Variants in GRIN2B observed in about 807,000 individuals in gnomAD.
GRIN2B encodes the protein glutamate ionotropic receptor NMDA type subunit 2B.
A neutral mutation model predicts 114.5 loss-of-function variants in GRIN2B; 5 were observed. The ratio of observed to expected loss-of-function variants is 0.04; its 90% CI spans 0.02 to 0.09. The LOEUF (loss-of-function observed/expected upper bound fraction) is 0.09, where lower values mean the gene tolerates loss of function less well. Among genes scored for constraint, GRIN2B ranks in the 10% least tolerant of loss-of-function variants. The pLI is 1.00. For synonymous variants in GRIN2B, 787 were observed against 745.1 expected (o/e 1.06, Z -0.92); for missense variants, 1,108 against 1,943.5 (o/e 0.57, Z 8.08).
At chr12:13,658,695 T>C (rs1315742189) in intron 5 of GRIN2B, among the ~76,000 whole-genome samples, 1 of 152,146 alleles carries the variant, frequency 6.6e-6, no homozygotes, top group Non-Finnish European at 1.5e-5. Context: ...AAAACCCTAA[T>C]GCCTGAGTTT....
rs1429065236 is a variant in GRIN2B, at chr12:13,843,414, A to G, written c.411+22384T>C. 3.9e-5 allele frequency among the ~76,000 whole-genome samples: 6 copies of G among 152,110 alleles called. No homozygotes were observed. In the East Asian group the frequency reaches 1.2e-3, roughly 29 times the overall value. ...TTTATAATTTTTGTATTTTTATAAT[A>G]TTTTCACAAAATTTCATAATTTTTC... On this transcript the variant is annotated intron_variant, in intron 3 of 13. Transcript: ENST00000609686.
chr12:13,641,476 T>C (rs1949715443), intron 5 of GRIN2B, among the ~76,000 whole-genome samples: 1 of 152,200 alleles, frequency 6.6e-6, no homozygotes, highest in Non-Finnish European at 1.5e-5. Flanking sequence ...TTATTTTCTC[T>C]GAGTTCTTGA....
At chr12:13,891,482 A>G (rs1866261739) in intron 2 of GRIN2B, among the ~76,000 whole-genome samples, 1 of 152,206 alleles carries the variant, frequency 6.6e-6, no homozygotes, top group Non-Finnish European at 1.5e-5. Flanking sequence ...CCACCAATGC[A>G]ATGAGGTTCA....
chr12:13,613,516 T>C lies in GRIN2B; in HGVS notation c.1654+1598A>G, dbSNP rs1451940695. ...CAAACTGAGCCAAAAAGTCTGTGTTTTTTCATTGTATTACATTGCTCTTTG... is the reference window on the plus strand; with the variant it reads ...CAAACTGAGCCAAAAAGTCTGTGTTCTTTCATTGTATTACATTGCTCTTTG... On this transcript the variant is annotated intron_variant, in intron 8 of 13. Transcript: ENST00000609686. Among the ~76,000 whole-genome samples the C allele has an allele frequency of 1.2e-4, 19 of 152,220 alleles. No individual in the cohort carries two copies. The East Asian group carries it at 3.1e-3, about 25-fold the overall frequency.
chr12:13,837,398 G>A (rs931595038), intron 3 of GRIN2B, among the ~76,000 whole-genome samples: 1 of 152,202 alleles, frequency 6.6e-6, no homozygotes, highest in African/African-American at 2.4e-5. Context: ...TACCTCACAG[G>A]ATTGTTGGGA....
intron 2 of GRIN2B, among the ~76,000 whole-genome samples, chr12:13,967,958 G>A (rs1363685978): frequency 6.6e-6 from 1 of 152,226 alleles, no homozygotes; most frequent in African/African-American, 2.4e-5. Context: ...CTTGGATCAT[G>A]TAAAGATAAA....
In GRIN2B at chr12:13,538,105, C is replaced by T. The variant is rs1948234168; in HGVS notation, c.*24678G>A. On this transcript the variant is annotated 3_prime_UTR_variant, in exon 14 of 14. Transcript: ENST00000609686. ...AATAGAAATATTCAAATCAAGTGTT[C>T]AGGGTAGGTTCTACCTTCCTAGTGA... The T allele has an allele frequency of 2.6e-5, 4 of 152,212 alleles. No homozygotes were observed. In the South Asian group the frequency reaches 8.3e-4, roughly 32 times the overall value. 9.4% of individuals were successfully genotyped at this position (152,212 alleles called of 1,614,324 possible).
At chr12:13,780,621 C>G (rs1165644088) in intron 3 of GRIN2B, among the ~76,000 whole-genome samples, 1 of 152,064 alleles carries the variant, frequency 6.6e-6, no homozygotes, top group Non-Finnish European at 1.5e-5. Context: ...TGTAAAGAAT[C>G]CAGTCTTATC....
At chr12:13,936,111 G>A (rs972298748) in intron 2 of GRIN2B, among the ~76,000 whole-genome samples, 19 of 152,104 alleles carry the variant, frequency 1.2e-4, no homozygotes, top group African/African-American at 4.6e-4. Context: ...AGTCCAAGAT[G>A]AGGTCCTCTA....
intron 3 of GRIN2B, among the ~76,000 whole-genome samples, chr12:13,801,927 G>C (rs1043369237): frequency 1.3e-5 from 2 of 152,064 alleles, no homozygotes; most frequent in African/African-American, 4.8e-5. Context: ...TGACTTCACT[G>C]TCTGGGTGAG....
At position 13,562,702 on chromosome 12, in the gene GRIN2B, C is replaced by T. The variant is rs1591604548; in HGVS notation, c.*81G>A. 8.7e-7 allele frequency: 1 copy of T among 1,150,252 alleles called. No individual in the cohort carries two copies. Among genetic ancestry groups the T allele is most frequent in the East Asian group, 2.3e-5 (1 of 42,718 alleles). The allele number at this position is 1,150,252 out of a possible 1,614,324, so 71.3% of individuals were successfully genotyped here. A position where few individuals can be genotyped will look rare whatever the true frequency, so the allele number is the denominator to read the frequency against. ...GAGCAAATGGGAACCAAGTTCACCCCCGTCACCCTCCGTGACATGCGCATC... is the reference window on the plus strand; with the variant it reads ...GAGCAAATGGGAACCAAGTTCACCCTCGTCACCCTCCGTGACATGCGCATC... On this transcript the variant is annotated 3_prime_UTR_variant, in exon 14 of 14. Coordinates refer to ENST00000609686, the MANE Select transcript of GRIN2B (RefSeq NM_000834.5).
intron 2 of GRIN2B, among the ~76,000 whole-genome samples, chr12:13,942,889 G>T (rs74067045): frequency 0.014 from 2,108 of 152,214 alleles, 48 homozygotes; most frequent in African/African-American, 0.048. Flanking sequence ...AGGATAAATT[G>T]CAGAAAATCC....
In GRIN2B at chr12:13,548,431, T is replaced by C. The variant is rs1253207185; in HGVS notation, c.*14352A>G. ...GAGCTCTGTGGTTTCAATCAAATAA[T>C]TCTCCATTCATGCCCTCAGAGTCCC... On this transcript the variant is annotated 3_prime_UTR_variant, in exon 14 of 14. Coordinates refer to ENST00000609686, the MANE Select transcript of GRIN2B (RefSeq NM_000834.5). 6.6e-6 allele frequency: 1 copy of C among 151,968 alleles called. No individual in the cohort carries two copies. Among genetic ancestry groups the C allele is most frequent in the Middle Eastern group, 3.4e-3 (1 of 292 alleles). 9.4% of individuals were successfully genotyped at this position (151,968 alleles called of 1,614,324 possible).
chr12:13,898,699 G>A (rs536267262), intron 2 of GRIN2B, among the ~76,000 whole-genome samples: 3 of 152,318 alleles, frequency 2.0e-5, no homozygotes, highest in African/African-American at 4.8e-5. Context: ...ATCACCTGAG[G>A]TCAGGAGTTT....
chr12:13,682,117 A>C (rs748498339), intron 4 of GRIN2B, among the ~76,000 whole-genome samples: 1 of 152,174 alleles, frequency 6.6e-6, no homozygotes, highest in Non-Finnish European at 1.5e-5. Flanking sequence ...GAAATTTCTG[A>C]ATTTTTCCCA....
intron 10 of GRIN2B, among the ~76,000 whole-genome samples, chr12:13,593,638 A>C (rs899679198): frequency 1.3e-5 from 2 of 152,240 alleles, no homozygotes; most frequent in African/African-American, 4.8e-5. Context: ...AGGCATGGGC[A>C]AAGACTTCAT....
At chr12:13,627,004 C>A (rs550528322) in intron 5 of GRIN2B, among the ~76,000 whole-genome samples, 9 of 151,914 alleles carry the variant, frequency 5.9e-5, no homozygotes, top group Non-Finnish European at 8.8e-5. Context: ...GTCGAATCCT[C>A]GGGATTTTTG....
chr12:13,591,449 C>A (rs1251577613), intron 10 of GRIN2B, among the ~76,000 whole-genome samples: 1 of 152,194 alleles, frequency 6.6e-6, no homozygotes, highest in Non-Finnish European at 1.5e-5. Context: ...ATCAGCACAG[C>A]AGCTATAAAG....
intron 3 of GRIN2B, among the ~76,000 whole-genome samples, chr12:13,787,059 C>T (rs1206236417): frequency 6.6e-6 from 1 of 152,160 alleles, no homozygotes; most frequent in African/African-American, 2.4e-5. Flanking sequence ...CCCAAAACCA[C>T]AATTCATCTA....
Sources: allele counts gnomAD v4.1 joint callset (sites outside exome capture counted in the v4.1 genomes callset), GRCh38; gene constraint gnomAD v4.1.1; transcripts MANE v1.5; gene names NCBI Gene and HGNC (gene_info 2026-07-23, HGNC 2026-07-21).